The following CCDC7 variants were observed in gnomAD, a reference collection of about 807,000 sequenced individuals.
The protein encoded by CCDC7 is coiled-coil domain-containing protein 7.
Under a neutral mutation model 196.9 loss-of-function variants are expected in CCDC7, and 183 were observed. The ratio of observed to expected loss-of-function variants is 0.93; its 90% CI spans 0.82 to 1.05. CCDC7 has a LOEUF of 1.05. Among genes scored for constraint, CCDC7 ranks in the 50% least tolerant of loss-of-function variants. The probability of loss-of-function intolerance (pLI) is 0.00; values close to 1 mark genes in which losing one functional copy is unlikely to be tolerated. For missense variants in CCDC7, 1,540 were observed against 1,482.2 expected, an observed-to-expected ratio of 1.04 and a Z score of -0.64; for synonymous variants, 525 against 484.6, an observed-to-expected ratio of 1.08 and a Z score of -1.10.
intron 40 of CCDC7, among the ~76,000 whole-genome samples, chr10:32,853,874 T>C (rs1236537932): frequency 6.6e-6 from 1 of 152,230 alleles, no homozygotes; most frequent in Non-Finnish European, 1.5e-5. Flanking sequence ...AGTCTTCATT[T>C]GTTTTCATAT....
chr10:32,682,130 G>T (rs1197929356), intron 21 of CCDC7, among the ~76,000 whole-genome samples: 2 of 152,126 alleles, frequency 1.3e-5, no homozygotes, highest in East Asian at 3.9e-4. Context: ...AAGGTAGTGA[G>T]CATAGTACCC....
At chr10:32,650,135 G>C (rs1313635301) in intron 20 of CCDC7, among the ~76,000 whole-genome samples, 1 of 152,140 alleles carries the variant, frequency 6.6e-6, no homozygotes, top group Non-Finnish European at 1.5e-5. Flanking sequence ...CATCTGGGAG[G>C]ACTAGTATTC....
At chr10:32,876,075 G>A (rs991305396) in intron 41 of CCDC7, among the ~76,000 whole-genome samples, 10 of 151,940 alleles carry the variant, frequency 6.6e-5, no homozygotes, top group Non-Finnish European at 1.0e-4. Flanking sequence ...CTGGGTTCAG[G>A]TCCAGAAATC....
chr10:32,664,192 A>G (rs2072135988), intron 21 of CCDC7, 31 bp downstream of exon 22: 2 of 392,892 alleles, frequency 5.1e-6, no homozygotes, highest in East Asian at 3.6e-5. Context: ...TAACCTTAAA[A>G]TAATTTAAGA....
chr10:32,614,573 A>C (rs1232241371), intron 18 of CCDC7, among the ~76,000 whole-genome samples: 1 of 152,110 alleles, frequency 6.6e-6, no homozygotes, highest in Non-Finnish European at 1.5e-5. Context: ...CATATATTTC[A>C]TAGTGGTGAA....
chr10:32,846,073 C>T, intron 36 of CCDC7, 114 bp downstream of exon 37: 13 of 805,264 alleles, frequency 1.6e-5, no homozygotes, highest in Non-Finnish European at 2.5e-5. Context: ...CTTTCCATAG[C>T]AAAAGATGCT....
chr10:32,612,469 G>T (rs578245407), intron 18 of CCDC7, among the ~76,000 whole-genome samples: 21 of 152,236 alleles, frequency 1.4e-4, no homozygotes, highest in African/African-American at 4.1e-4. Flanking sequence ...AATAGGAGTG[G>T]TGAGAGAGGG....
intron 20 of CCDC7, among the ~76,000 whole-genome samples, chr10:32,640,764 AT>A (rs2066597492): frequency 6.6e-6 from 1 of 151,196 alleles, no homozygotes; most frequent in Non-Finnish European, 1.5e-5. Flanking sequence ...TCCTTCACTT[AT>A]GAAGCTTAGT....
chr10:32,800,343 T>A (rs1243857744), intron 29 of CCDC7, among the ~76,000 whole-genome samples: 1 of 152,162 alleles, frequency 6.6e-6, no homozygotes, highest in East Asian at 1.9e-4. Context: ...ACTTTACCAG[T>A]CAGGGAGCCA....
chr10:32,858,831 A>G (rs1270218556), intron 41 of CCDC7, among the ~76,000 whole-genome samples: 1 of 152,196 alleles, frequency 6.6e-6, no homozygotes, highest in Admixed American at 6.6e-5. Context: ...AGGGCATTAC[A>G]TAATGGTAAA....
At chr10:32,516,568 A>C (rs747970882) in intron 9 of CCDC7, among the ~76,000 whole-genome samples, 4 of 152,202 alleles carry the variant, frequency 2.6e-5, no homozygotes, top group Non-Finnish European at 5.9e-5. Context: ...GATTACATGC[A>C]TGAGCCACTG....
Position 32,511,827 on chromosome 10 carries a change from C to T in CCDC7, c.873-6118C>T, listed in dbSNP as rs534308560. ...CAATGACGCGCCAGCTCTGCCCGCG[C>T]CACCAGCGGCGCTTTCCGATGATCT... On this transcript the variant is annotated intron_variant, in intron 9 of 41. Transcript: ENST00000639629. 9.4e-4 allele frequency: 780 copies of T among 831,548 alleles called. 14 individuals carry two copies. The South Asian group carries it at 0.011, about 12-fold the overall frequency. 51.5% of individuals were successfully genotyped at this position (831,548 alleles called of 1,614,324 possible).
At position 32,693,619 on chromosome 10, in the gene CCDC7, A is replaced by G. The variant is rs370311308; in HGVS notation, c.2345-1260A>G. Among the ~76,000 whole-genome samples, 107 of 152,312 alleles carry G rather than the reference A, an allele frequency of 7.0e-4. 1 individual carries two copies. In the East Asian group the frequency reaches 0.013, roughly 18 times the overall value. ...GGTATACAGCACGTCCTTGAATAAC[A>G]TCATTTTGTTCAACATTGTTTGATT... On this transcript the variant is annotated intron_variant, in intron 23 of 41. Coordinates refer to ENST00000639629, the Ensembl canonical transcript of CCDC7.
exon 24 of CCDC7, chr10:32,694,975 G>C (rs779447340): frequency 6.3e-7 from 1 of 1,587,722 alleles, no homozygotes; most frequent in East Asian, 2.2e-5. Flanking sequence ...AAACTTCCTA[G>C]AGAGAAAAGA....
At chr10:32,453,318 A>C in intron 1 of CCDC7, 26 bp from the exon 3 acceptor site, 1 of 1,436,196 alleles carries the variant, frequency 7.0e-7, no homozygotes, top group Non-Finnish European at 9.2e-7. Flanking sequence ...TAAAGTATCT[A>C]ATTGGCTTTT....
At chr10:32,532,433 G>T (rs1209844658) in intron 11 of CCDC7, among the ~76,000 whole-genome samples, 2 of 152,124 alleles carry the variant, frequency 1.3e-5, no homozygotes, top group East Asian at 3.9e-4. Flanking sequence ...CATTTGTTAA[G>T]ATTTGTTTGG....
intron 20 of CCDC7, 82 bp from the exon 22 acceptor site, chr10:32,663,972 G>A (rs1228355150): frequency 2.6e-6 from 1 of 383,484 alleles, no homozygotes; most frequent in East Asian, 3.7e-5. Flanking sequence ...ACAGAATATG[G>A]CTGTATACTT....
chr10:32,485,995 T>A (rs1012919148), intron 8 of CCDC7, among the ~76,000 whole-genome samples: 4 of 152,264 alleles, frequency 2.6e-5, no homozygotes, highest in African/African-American at 9.6e-5. Context: ...TGGAGAGTTC[T>A]GTAGATGTCT....
In CCDC7 at chr10:32,465,508, A is replaced by G. The variant is rs116753346; in HGVS notation, c.510+2459A>G. Reference sequence around the variant, plus strand: ...ATCGTGCCCTCATTTTTGAAACACTAGTCCTTTGGCTTCTGTGAATTACAT... The same window carrying G: ...ATCGTGCCCTCATTTTTGAAACACTGGTCCTTTGGCTTCTGTGAATTACAT... On this transcript the variant is annotated intron_variant, in intron 5 of 41. Coordinates refer to ENST00000639629, the Ensembl canonical transcript of CCDC7. Among the ~76,000 whole-genome samples, 1,299 of 150,756 alleles carry G rather than the reference A, an allele frequency of 8.6e-3. 27 individuals carry two copies. Among genetic ancestry groups the G allele is most frequent in the African/African-American group, 0.029 (1,198 of 41,022 alleles).
Sources: allele counts gnomAD v4.1 joint callset (sites outside exome capture counted in the v4.1 genomes callset), GRCh38; gene constraint gnomAD v4.1.1; transcripts MANE v1.5; gene names NCBI Gene and HGNC (gene_info 2026-07-23, HGNC 2026-07-21).